RRAS2: variants seen among roughly 807,000 people sequenced by gnomAD.
RRAS2 encodes RAS related 2.
A neutral mutation model predicts 27.6 loss-of-function variants in RRAS2; 7 were observed. That is an observed-to-expected ratio of 0.25 (90% CI 0.14 to 0.48). The LOEUF (loss-of-function observed/expected upper bound fraction) is 0.48, where lower values mean the gene tolerates loss of function less well. RRAS2 is among the 20% of genes least tolerant of loss of function. The pLI, the probability that RRAS2 is intolerant of heterozygous loss-of-function variation, is 0.99. For synonymous variants in RRAS2, 86 were observed against 90.9 expected, an observed-to-expected ratio of 0.95 and a Z score of 0.31; for missense variants, 178 against 256.2, an observed-to-expected ratio of 0.69 and a Z score of 2.08.
At chr11:14,346,205 C>T (rs1848825853) in intron 1 of RRAS2, among the ~76,000 whole-genome samples, 1 of 152,154 alleles carries the variant, frequency 6.6e-6, no homozygotes, top group Non-Finnish European at 1.5e-5. Flanking sequence ...TAGAGAGGAT[C>T]TTATCCTTTT....
At chr11:14,359,191 G>A (rs1486014552), upstream of RRAS2, 2 of 1,000,182 alleles carry the variant, frequency 2.0e-6, no homozygotes, top group Non-Finnish European at 2.4e-6. Flanking sequence ...TCTGGGGGCC[G>A]GGCTGCCAGG....
intron 4 of RRAS2, among the ~76,000 whole-genome samples, chr11:14,293,153 ATATATATATC>A (rs1212608969): frequency 1.6e-5 from 2 of 122,158 alleles, no homozygotes; most frequent in African/African-American, 6.2e-5. Context: ...ATATATATAT[ATATATATATC>A]ATTTTCTCTT....
chr11:14,285,553 G>T (rs1849638082), intron 4 of RRAS2, among the ~76,000 whole-genome samples: 1 of 152,080 alleles, frequency 6.6e-6, no homozygotes, highest in South Asian at 2.1e-4. Flanking sequence ...TTCATTTTCA[G>T]ATTTCCATTT....
At chr11:14,281,539 T>A (rs1449979573) in intron 5 of RRAS2, 63 bp downstream of exon 5, 34 of 1,307,012 alleles carry the variant, frequency 2.6e-5, no homozygotes, top group South Asian at 8.7e-5. Flanking sequence ...ATATAAAATA[T>A]CCTTACTAAA....
At chr11:14,342,195 A>G (rs1469338415) in intron 1 of RRAS2, 2 of 170,052 alleles carry the variant, frequency 1.2e-5, no homozygotes, top group African/African-American at 4.7e-5. Context: ...AAGAGTATCT[A>G]TCACTCTTTT....
intron 1 of RRAS2, among the ~76,000 whole-genome samples, chr11:14,324,188 T>C (rs782171028): frequency 1.4e-4 from 22 of 151,982 alleles, no homozygotes; most frequent in Non-Finnish European, 2.9e-4. Flanking sequence ...ATAATAATTA[T>C]TGGAATTAGA....
At chr11:14,289,809 G>A (rs181375618) in intron 4 of RRAS2, among the ~76,000 whole-genome samples, 44 of 152,270 alleles carry the variant, frequency 2.9e-4, no homozygotes, top group African/African-American at 1.0e-3. Context: ...CCCTGGTGGG[G>A]TTCAGAATCT....
intron 1 of RRAS2, among the ~76,000 whole-genome samples, chr11:14,340,084 C>T (rs368974067): frequency 2.2e-5 from 3 of 137,588 alleles, no homozygotes; most frequent in Admixed American, 1.4e-4. Context: ...GAGCCGAGGT[C>T]GCGCCACTAC....
At chr11:14,328,928 T>C (rs1848424943) in intron 1 of RRAS2, among the ~76,000 whole-genome samples, 5 of 151,310 alleles carry the variant, frequency 3.3e-5, no homozygotes, top group Admixed American at 2.6e-4. Context: ...CCTCCCAAAG[T>C]GCTGGGATTA....
chr11:14,302,073 T>TACACAC (rs57730782), intron 1 of RRAS2, among the ~76,000 whole-genome samples: 2,604 of 142,452 alleles, frequency 0.018, 70 homozygotes, highest in African/African-American at 0.052. Context: ...ACCACACACA[T>TACACAC]ACACACACAC....
intron 1 of RRAS2, among the ~76,000 whole-genome samples, chr11:14,300,069 TGA>T (rs1847658290): frequency 1.3e-5 from 2 of 152,088 alleles, no homozygotes; most frequent in Admixed American, 1.3e-4. Context: ...AGTATTGCAC[TGA>T]GCTAGACAGT....
chr11:14,285,792 G>A (rs910127401), intron 4 of RRAS2, among the ~76,000 whole-genome samples: 1 of 152,294 alleles, frequency 6.6e-6, no homozygotes, highest in East Asian at 1.9e-4. Context: ...GAGATGCAAT[G>A]ATGACTCCTG....
chr11:14,324,952 C>T (rs575450050), intron 1 of RRAS2, among the ~76,000 whole-genome samples: 6 of 152,158 alleles, frequency 3.9e-5, no homozygotes, highest in Admixed American at 1.3e-4. Flanking sequence ...TGGAAAAAAG[C>T]GAGATTGAGG....
In RRAS2 at chr11:14,280,726, C is replaced by CAAAAAAAAAA. The variant is rs58781581; in HGVS notation, c.527+866_527+875dup. Among the ~76,000 whole-genome samples, 25 of 48,330 alleles carry CAAAAAAAAAA rather than the reference C, an allele frequency of 5.2e-4. 1 individual carries two copies. The highest frequency in any genetic ancestry group is 1.8e-3 in the African/African-American group (17 of 9,630). 31.7% of individuals were successfully genotyped at this position (48,330 alleles called of 152,430 possible). A position where few individuals can be genotyped will look rare whatever the true frequency, so the allele number is the denominator to read the frequency against. On this transcript the variant is annotated intron_variant, in intron 5 of 5. Coordinates refer to ENST00000256196, the MANE Select transcript of RRAS2 (RefSeq NM_012250.6). ...GGGTGACAAAGAGAAACTCTGTTTC[C>CAAAAAAAAAA]AAAAAAAAAAAAAAAAAAAAAAAAA...
Position 14,358,871 on chromosome 11 carries a change from G to A in RRAS2, c.-1C>T, listed in dbSNP as rs781863536. 1.4e-6 allele frequency: 2 copies of A among 1,459,944 alleles called. No individual in the cohort carries two copies. Among genetic ancestry groups the A allele is most frequent in the Non-Finnish European group, 1.8e-6 (2 of 1,097,992 alleles). The allele number at this position is 1,459,944 out of a possible 1,614,324, so 90.4% of individuals were successfully genotyped here. Reference sequence around the variant, plus strand: ...CGTCCCGCCAGCCGGCCGCGGCCATGGGGACGCTACAGAGCCCAGCCTGAC... The same window carrying A: ...CGTCCCGCCAGCCGGCCGCGGCCATAGGGACGCTACAGAGCCCAGCCTGAC... On this transcript the variant is annotated 5_prime_UTR_variant, in exon 1 of 6. Coordinates refer to ENST00000256196, the MANE Select transcript of RRAS2 (RefSeq NM_012250.6). The surrounding 1 kb of genome is among the most constrained non-coding windows in gnomAD (Gnocchi z 5.1).
At chr11:14,282,653 TG>T (rs200692097) in intron 4 of RRAS2, among the ~76,000 whole-genome samples, 1 of 101,338 alleles carries the variant, frequency 9.9e-6, no homozygotes, top group African/African-American at 3.9e-5. Flanking sequence ...AAAGCCAAAT[TG>T]GGGGGAAAAA....
chr11:14,326,063 G>A (rs1554950971), intron 1 of RRAS2, among the ~76,000 whole-genome samples: 1 of 152,142 alleles, frequency 6.6e-6, no homozygotes, highest in African/African-American at 2.4e-5. Context: ...AAACATGGAC[G>A]TGTACTAGAA....
At chr11:14,298,729 T>C (rs1221172193) in intron 1 of RRAS2, among the ~76,000 whole-genome samples, 2 of 152,178 alleles carry the variant, frequency 1.3e-5, no homozygotes, top group East Asian at 1.9e-4. Flanking sequence ...GCCATCCACA[T>C]TGAAACAATC....
At chr11:14,295,937 C>A in intron 1 of RRAS2, 82 bp from the exon 2 acceptor site, 1 of 1,308,382 alleles carries the variant, frequency 7.6e-7, no homozygotes, top group Non-Finnish European at 1.1e-6. Context: ...CTCTGGGAGG[C>A]CGAGGGAGAA....
Sources: gnomAD v4.1 joint callset for allele counts (sites outside exome capture counted in the v4.1 genomes callset) on GRCh38, gnomAD v4.1.1 for gene constraint, Gnocchi (gnomAD v3.1) non-coding constraint, MANE v1.5 for transcripts, NCBI Gene and HGNC (gene_info 2026-07-23, HGNC 2026-07-21) for gene names.